The following WDFY4 variants were observed in gnomAD, a reference collection of about 807,000 sequenced individuals.
The protein encoded by WDFY4 is WD repeat- and FYVE domain-containing protein 4.
WDFY4 carries 169 observed loss-of-function variants against 351.9 expected under a neutral mutation model. That is an observed-to-expected ratio of 0.48 (90% CI 0.42 to 0.55). WDFY4 has a LOEUF of 0.55. Ranked by LOEUF, WDFY4 falls within the 20% of genes least tolerant of loss-of-function variation. WDFY4 has a pLI of 0.00. For synonymous variants in WDFY4, 1,622 were observed against 1,574.6 expected (o/e 1.03, Z -0.71); for missense variants, 3,803 against 3,935.6 (o/e 0.97, Z 0.90).
intron 13 of WDFY4, among the ~76,000 whole-genome samples, chr10:48,763,250 A>AC (rs1266041445): frequency 2.0e-5 from 3 of 152,194 alleles, no homozygotes; most frequent in Admixed American, 6.5e-5. Context: ...GGGCTCAGGA[A>AC]AGTTGTTTGG....
chr10:48,704,478 C>G (rs941000316), intron 1 of WDFY4, among the ~76,000 whole-genome samples: 1 of 151,904 alleles, frequency 6.6e-6, no homozygotes, highest in Non-Finnish European at 1.5e-5. Flanking sequence ...GGCTCTGGGA[C>G]TCCCTGCAGC....
rs754567730 is a variant in WDFY4 at position 48,876,989 on chromosome 10, A to G, written c.7001-44A>G. The stretch of plus-strand genomic sequence containing the variant: ...GCTGTGCACCGGCCCTTACCATGTC[A>G]GGTGGCTCCTGTCAACACCACGTGT... On this transcript the variant is annotated intron_variant, in intron 42 of 61. Coordinates refer to ENST00000325239, the MANE Select transcript of WDFY4 (RefSeq NM_001394531.1). 22 of 1,438,382 alleles carry G rather than the reference A, an allele frequency of 1.5e-5. No individual in the cohort carries two copies. In the African/African-American group the frequency reaches 3.0e-4, roughly 20 times the overall value. 89.1% of individuals were successfully genotyped at this position (1,438,382 alleles called of 1,614,324 possible). A position where few individuals can be genotyped will look rare whatever the true frequency, so the allele number is the denominator to read the frequency against.
At chr10:48,729,145 CT>C (rs1356578937) in intron 7 of WDFY4, among the ~76,000 whole-genome samples, 1 of 152,240 alleles carries the variant, frequency 6.6e-6, no homozygotes, top group Non-Finnish European at 1.5e-5. Flanking sequence ...TGCTGATGCC[CT>C]AACCACATGT....
chr10:48,776,805 T>C lies in WDFY4; in HGVS notation c.2919T>C (p.Ala973=), dbSNP rs1287150249. The C allele has an allele frequency of 6.4e-7, 1 of 1,551,370 alleles. No individual in the cohort carries two copies. Among genetic ancestry groups the C allele is most frequent in the Admixed American group, 2.0e-5 (1 of 50,976 alleles). The change falls in exon 16 of 62, where the codon GCT becomes GCC. Residue 973 remains alanine (A), a synonymous_variant. Transcript: ENST00000325239. Reference sequence around the variant, plus strand: ...GGCCCTGGCCAGCTGCCCCAGATGCTGGGCTGCACCCTGGAGTCACACAGG... The same window carrying C: ...GGCCCTGGCCAGCTGCCCCAGATGCCGGGCTGCACCCTGGAGTCACACAGG... The part of the protein sequence containing the change: ...AEGPWPAAPD[A]GLHPGVTQAP...
At chr10:48,836,570 T>C (rs192565883) in intron 39 of WDFY4, among the ~76,000 whole-genome samples, 1 of 152,362 alleles carries the variant, frequency 6.6e-6, no homozygotes, top group East Asian at 1.9e-4. Flanking sequence ...ACATATGATA[T>C]AGAATTCATA....
chr10:48,931,344 G>C (rs913177576), intron 47 of WDFY4, among the ~76,000 whole-genome samples: 6 of 152,318 alleles, frequency 3.9e-5, no homozygotes, highest in Non-Finnish European at 8.8e-5. Context: ...TCCCAGAGTG[G>C]AATGCAAGAG....
intron 51 of WDFY4, among the ~76,000 whole-genome samples, chr10:48,948,572 T>C (rs553052913): frequency 6.6e-6 from 1 of 152,258 alleles, no homozygotes; most frequent in East Asian, 1.9e-4. Flanking sequence ...CAGAGTGAAA[T>C]AGAAACAGTC....
chr10:48,793,837 C>G (rs531952647), intron 23 of WDFY4, among the ~76,000 whole-genome samples: 20 of 152,208 alleles, frequency 1.3e-4, no homozygotes, highest in Non-Finnish European at 2.9e-4. Flanking sequence ...CTAGGCTCAT[C>G]TGCTGGTTTA....
At chr10:48,918,007 G>A (rs908648291) in intron 47 of WDFY4, among the ~76,000 whole-genome samples, 38 of 152,140 alleles carry the variant, frequency 2.5e-4, no homozygotes, top group African/African-American at 8.9e-4. Context: ...CTTTTGAAGT[G>A]GTGAAAGGTT....
chr10:48,769,885 C>A (rs1030080492), intron 13 of WDFY4, among the ~76,000 whole-genome samples: 6 of 152,250 alleles, frequency 3.9e-5, no homozygotes, highest in African/African-American at 1.4e-4. Flanking sequence ...CCCCGCAAAT[C>A]ACTCTGTGCT....
intron 31 of WDFY4, among the ~76,000 whole-genome samples, chr10:48,815,794 T>C (rs985435695): frequency 1.3e-5 from 2 of 152,190 alleles, no homozygotes; most frequent in Non-Finnish European, 2.9e-5. Flanking sequence ...TTTCTTTGCA[T>C]TCTTTCAAAG....
At chr10:48,849,527 G>A (rs2133166009) in intron 39 of WDFY4, among the ~76,000 whole-genome samples, 1 of 152,328 alleles carries the variant, frequency 6.6e-6, no homozygotes. Context: ...ACAGCCAAGA[G>A]AGCCTGTGGA....
intron 39 of WDFY4, among the ~76,000 whole-genome samples, chr10:48,847,292 CACTTTA>C (rs2068807964): frequency 6.6e-6 from 1 of 152,156 alleles, no homozygotes; most frequent in African/African-American, 2.4e-5. Flanking sequence ...CTAATGGCTT[CACTTTA>C]ACTTTATCAC....
chr10:48,966,848 T>C (rs1842106892), intron 55 of WDFY4, 175 bp downstream of exon 55: 2 of 871,256 alleles, frequency 2.3e-6, no homozygotes, highest in African/African-American at 1.7e-5. Context: ...CTGGGAAGTG[T>C]CTAGGAGCTC....
At chr10:48,782,046 T>C (rs2066243869) in intron 19 of WDFY4, among the ~76,000 whole-genome samples, 1 of 152,216 alleles carries the variant, frequency 6.6e-6, no homozygotes, top group Admixed American at 6.5e-5. Flanking sequence ...GGTCTGTCTG[T>C]TCTGAATTGG....
chr10:48,838,101 A>G (rs997808371), intron 39 of WDFY4, among the ~76,000 whole-genome samples: 1 of 152,248 alleles, frequency 6.6e-6, no homozygotes, highest in Non-Finnish European at 1.5e-5. Context: ...CTGTGTAAGA[A>G]TTAACAGAAT....
chr10:48,776,946 A>G lies in WDFY4; in HGVS notation c.3060A>G (p.Pro1020=). 1.3e-6 allele frequency: 2 copies of G among 1,552,334 alleles called. No homozygotes were observed. The highest frequency in any genetic ancestry group is 1.2e-5 in the South Asian group (1 of 84,060). ...AGCCTCAGAGGGCAGCCCTGGCCCC[A>G]TCGTTTGTGGAATTTGACATGTCCG... ...NLQPQRAALA[P]SFVEFDMSVE... Residue 1020 remains proline, a synonymous_variant, in exon 16 of 62, where the codon CCA becomes CCG. Coordinates refer to ENST00000325239, the MANE Select transcript of WDFY4 (RefSeq NM_001394531.1).
Position 48,828,925 on chromosome 10 carries a change from G to GT in WDFY4, c.6340+29_6340+30insT, listed in dbSNP as rs1565246968. 9.7e-5 allele frequency: 28 copies of GT among 289,866 alleles called. No individual in the cohort carries two copies. In the African/African-American group the frequency reaches 9.7e-4, roughly 10 times the overall value. 18.0% of individuals were successfully genotyped at this position (289,866 alleles called of 1,614,324 possible). ...CATTTTATTTGTCATTGTGTGTGTG[G>GT]GCGGGGGGGGGGCGGGGAGGGGGTG... On this transcript the variant is annotated intron_variant, in intron 37 of 61. Coordinates refer to ENST00000325239, the MANE Select transcript of WDFY4 (RefSeq NM_001394531.1).
intron 30 of WDFY4, among the ~76,000 whole-genome samples, 196 bp downstream of exon 30, chr10:48,811,904 C>T (rs942069708): frequency 6.6e-6 from 1 of 152,190 alleles, no homozygotes; most frequent in African/African-American, 2.4e-5. Flanking sequence ...CCCTTGACTT[C>T]CTCGGCCTCT....
Sources: allele counts gnomAD v4.1 joint callset (sites outside exome capture counted in the v4.1 genomes callset), GRCh38; gene constraint gnomAD v4.1.1; transcripts MANE v1.5; gene names NCBI Gene and HGNC (gene_info 2026-07-23, HGNC 2026-07-21).